Variants in ME1 observed in about 807,000 individuals in gnomAD.
The protein encoded by ME1 is malic enzyme 1.
Under a neutral mutation model 66.4 loss-of-function variants are expected in ME1, and 74 were observed. That is an observed-to-expected ratio of 1.11 (90% CI 0.92 to 1.35). The LOEUF (loss-of-function observed/expected upper bound fraction) is 1.35, where lower values mean the gene tolerates loss of function less well. Ranked by LOEUF, ME1 falls within the 40% of genes most tolerant of loss-of-function variation. The pLI, the probability that ME1 is intolerant of heterozygous loss-of-function variation, is 0.00. For missense variants in ME1, 750 were observed against 694.1 expected (o/e 1.08, Z -0.90); for synonymous variants, 251 against 235.6 (o/e 1.07, Z -0.60).
intron 6 of ME1, among the ~76,000 whole-genome samples, chr6:83,278,312 TG>T (rs1767226658): frequency 1.3e-5 from 2 of 152,330 alleles, no homozygotes; most frequent in South Asian, 4.1e-4. Context: ...TCCAGTCTTA[TG>T]GGGGCCTCCA....
At chr6:83,296,761 G>A (rs1349145927) in intron 6 of ME1, among the ~76,000 whole-genome samples, 3 of 152,194 alleles carry the variant, frequency 2.0e-5, no homozygotes, top group Non-Finnish European at 4.4e-5. Flanking sequence ...TCTACATGTA[G>A]TAAACACCAT....
At position 83,348,915 on chromosome 6, in the gene ME1, C is replaced by T. The variant is rs1414448874; in HGVS notation, c.439-2581G>A. Among the ~76,000 whole-genome samples the T allele has an allele frequency of 2.9e-5, 4 of 139,222 alleles. No homozygotes were observed. In the East Asian group the frequency reaches 6.6e-4, roughly 23 times the overall value. 91.3% of individuals were successfully genotyped at this position (139,222 alleles called of 152,430 possible). ...AGAAGAATTGCTTGAACCTAGGAGG[C>T]GGAGGTTGCAGTGAGCAGAGATCAC... On this transcript the variant is annotated intron_variant, in intron 4 of 13. Coordinates refer to ENST00000369705, the MANE Select transcript of ME1 (RefSeq NM_002395.6).
At chr6:83,394,755 T>A (rs2128550284) in intron 3 of ME1, among the ~76,000 whole-genome samples, 1 of 152,320 alleles carries the variant, frequency 6.6e-6, no homozygotes, top group South Asian at 2.1e-4. Context: ...ATATGCAACT[T>A]GAACTTTTGT....
chr6:83,212,224 T>C, intron 13 of ME1, 130 bp from the exon 14 acceptor site: 1 of 533,672 alleles, frequency 1.9e-6, no homozygotes, highest in Non-Finnish European at 3.1e-6. Context: ...TGTATTATAA[T>C]AAAAGCACAT....
chr6:83,321,484 C>T (rs1482387903), intron 5 of ME1, among the ~76,000 whole-genome samples: 1 of 152,106 alleles, frequency 6.6e-6, no homozygotes, highest in African/African-American at 2.4e-5. Context: ...TCCATCATTA[C>T]TGAGGCTCGA....
chr6:83,346,438 T>TA lies in ME1; in HGVS notation c.439-105dup, dbSNP rs939893910. On this transcript the variant is annotated intron_variant, in intron 4 of 13. Transcript: ENST00000369705. ...TACTACTAGTGAAATAGTAAGCTGT[T>TA]AAAAAACATAAATTGAATATTTATG... 6 of 611,280 alleles carry TA rather than the reference T, an allele frequency of 9.8e-6. No individual in the cohort carries two copies. In the African/African-American group the frequency reaches 1.1e-4, roughly 12 times the overall value. 37.9% of individuals were successfully genotyped at this position (611,280 alleles called of 1,614,324 possible).
chr6:83,386,162 T>C (rs1434458498), intron 3 of ME1, among the ~76,000 whole-genome samples: 2 of 151,932 alleles, frequency 1.3e-5, no homozygotes, highest in African/African-American at 4.8e-5. Flanking sequence ...CAAAGGCTTA[T>C]TACCATAGAT....
intron 1 of ME1, among the ~76,000 whole-genome samples, chr6:83,425,568 C>G (rs1470586172): frequency 6.6e-6 from 1 of 152,080 alleles, no homozygotes; most frequent in Non-Finnish European, 1.5e-5. Context: ...AGAACTCACT[C>G]ACTACCAGGA....
intron 1 of ME1, among the ~76,000 whole-genome samples, chr6:83,421,667 T>C (rs1770271570): frequency 6.6e-6 from 1 of 152,090 alleles, no homozygotes; most frequent in Non-Finnish European, 1.5e-5. Context: ...GGAAGTGCAA[T>C]TGATTGTGTA....
chr6:83,366,023 C>T (rs1028918671), intron 3 of ME1, among the ~76,000 whole-genome samples: 9 of 152,222 alleles, frequency 5.9e-5, no homozygotes, highest in East Asian at 3.9e-4. Flanking sequence ...GAACAGTGAC[C>T]GCCTAGGGAA....
intron 6 of ME1, among the ~76,000 whole-genome samples, chr6:83,280,844 G>T (rs1767275172): frequency 6.6e-6 from 1 of 152,182 alleles, no homozygotes; most frequent in East Asian, 1.9e-4. Flanking sequence ...ATTTGTATCT[G>T]CAGTGCCTAG....
chr6:83,217,296 C>A (rs1242785236), intron 12 of ME1, among the ~76,000 whole-genome samples: 2 of 152,148 alleles, frequency 1.3e-5, no homozygotes, highest in African/African-American at 4.8e-5. Flanking sequence ...CAGCTTATAC[C>A]TAGGCCTTTG....
chr6:83,317,681 GC>G (rs1334177776), intron 5 of ME1, among the ~76,000 whole-genome samples: 4 of 152,184 alleles, frequency 2.6e-5, no homozygotes, highest in Non-Finnish European at 4.4e-5. Flanking sequence ...AATTGCCCTT[GC>G]TCATGGGTAG....
chr6:83,236,529 T>A (rs1016681186), intron 9 of ME1, among the ~76,000 whole-genome samples: 3 of 152,206 alleles, frequency 2.0e-5, no homozygotes, highest in African/African-American at 7.2e-5. Context: ...TTTCTAGCAG[T>A]TTAAAGAATG....
chr6:83,369,716 GAA>G (rs1769161783), intron 3 of ME1, among the ~76,000 whole-genome samples: 1 of 138,942 alleles, frequency 7.2e-6, no homozygotes, highest in Non-Finnish European at 1.6e-5. Context: ...AGGAAGGAAG[GAA>G]GGAAGGAAAT....
intron 6 of ME1, among the ~76,000 whole-genome samples, chr6:83,262,198 T>C (rs577440270): frequency 2.0e-5 from 3 of 152,108 alleles, no homozygotes; most frequent in East Asian, 3.9e-4. Flanking sequence ...CATGGGGAGA[T>C]GAGTATGTGA....
At chr6:83,366,243 T>C (rs981233057) in intron 3 of ME1, among the ~76,000 whole-genome samples, 3 of 152,184 alleles carry the variant, frequency 2.0e-5, no homozygotes, top group African/African-American at 7.2e-5. Flanking sequence ...CCAGCTCCTT[T>C]TCACTGCTAG....
chr6:83,238,819 T>TATATATATATATATATAG (rs1790459573), intron 8 of ME1, among the ~76,000 whole-genome samples: 2 of 149,074 alleles, frequency 1.3e-5, no homozygotes, highest in Non-Finnish European at 1.5e-5. Flanking sequence ...TATATATATA[T>TATATATATATATATATAG]AGCCACAAAA....
In ME1 at chr6:83,211,034, T is replaced by C. The variant is rs910465338; in HGVS notation, c.*890A>G. 9.9e-5 allele frequency: 15 copies of C among 152,226 alleles called. No individual in the cohort carries two copies. The highest frequency in any genetic ancestry group is 9.2e-4 in the Admixed American group (14 of 15,284). The allele number at this position is 152,226 out of a possible 1,614,324, so 9.4% of individuals were successfully genotyped here. On this transcript the variant is annotated 3_prime_UTR_variant, in exon 14 of 14. Transcript: ENST00000369705. ...GTAACTCCAGTAGGAACCTAACTTGTTGTCTTAAAGATCCTGAGATCTTTA... is the reference window on the plus strand; with the variant it reads ...GTAACTCCAGTAGGAACCTAACTTGCTGTCTTAAAGATCCTGAGATCTTTA...
Sources: allele counts gnomAD v4.1 joint callset (sites outside exome capture counted in the v4.1 genomes callset), GRCh38; gene constraint gnomAD v4.1.1; transcripts MANE v1.5; gene names NCBI Gene and HGNC (gene_info 2026-07-23, HGNC 2026-07-21).